Variants in FAM117B observed in about 807,000 individuals in gnomAD.
The protein encoded by FAM117B is protein FAM117B.
FAM117B carries 22 observed loss-of-function variants against 52.8 expected under a neutral mutation model. The ratio of observed to expected loss-of-function variants is 0.42; its 90% CI spans 0.30 to 0.59. The LOEUF is 0.59. Ranked by LOEUF, FAM117B falls within the 20% of genes least tolerant of loss-of-function variation. FAM117B has a pLI of 0.22. For missense variants in FAM117B, 678 were observed against 802.6 expected (o/e 0.84, Z 1.88); for synonymous variants, 309 against 324.1 (o/e 0.95, Z 0.50).
chr2:202,694,301 C>T (rs990476140), intron 1 of FAM117B, among the ~76,000 whole-genome samples: 3 of 151,162 alleles, frequency 2.0e-5, no homozygotes, highest in Admixed American at 6.6e-5. Flanking sequence ...AGCGATTCTC[C>T]TGCCTCAGCC....
chr2:202,745,784 T>C (rs1691622776), intron 4 of FAM117B, among the ~76,000 whole-genome samples: 1 of 152,080 alleles, frequency 6.6e-6, no homozygotes, highest in South Asian at 2.1e-4. Flanking sequence ...AAACCAAAAG[T>C]ATGCAGGATT....
chr2:202,715,405 C>CG (rs1285241285), intron 2 of FAM117B, among the ~76,000 whole-genome samples: 2 of 140,380 alleles, frequency 1.4e-5, no homozygotes, highest in African/African-American at 5.2e-5. Flanking sequence ...ACTTCTCAGA[C>CG]GGGGCGGCCG....
intron 1 of FAM117B, among the ~76,000 whole-genome samples, chr2:202,644,051 C>CTG (rs1559092737): frequency 3.3e-5 from 3 of 89,764 alleles, no homozygotes; most frequent in Admixed American, 1.2e-4. Flanking sequence ...GCTTTAGGAG[C>CTG]TGTTTTTTTT....
chr2:202,743,630 C>T (rs11691958), intron 4 of FAM117B, among the ~76,000 whole-genome samples: 26,318 of 137,688 alleles, frequency 0.19, 2,954 homozygotes, highest in South Asian at 0.39. Context: ...AGAACACAAA[C>T]AATACAAAGA....
At chr2:202,701,794 T>C (rs1378890265) in intron 2 of FAM117B, among the ~76,000 whole-genome samples, 1 of 152,230 alleles carries the variant, frequency 6.6e-6, no homozygotes, top group African/African-American at 2.4e-5. Context: ...TGCAATCTCA[T>C]GATAAAACTT....
chr2:202,698,616 T>A (rs1467192542), intron 2 of FAM117B, among the ~76,000 whole-genome samples: 1 of 151,988 alleles, frequency 6.6e-6, no homozygotes, highest in Non-Finnish European at 1.5e-5. Flanking sequence ...AGAGATGGAG[T>A]TTCACCATAT....
intron 2 of FAM117B, among the ~76,000 whole-genome samples, chr2:202,713,177 G>T (rs957951725): frequency 6.6e-6 from 1 of 152,032 alleles, no homozygotes; most frequent in African/African-American, 2.4e-5. Context: ...CTTTGCCGGG[G>T]TGCTTTTTAT....
intron 4 of FAM117B, among the ~76,000 whole-genome samples, chr2:202,738,068 G>A (rs1264580774): frequency 6.6e-6 from 1 of 152,130 alleles, no homozygotes; most frequent in Non-Finnish European, 1.5e-5. Context: ...ATCCTGTTTG[G>A]TGAAGTGTCT....
chr2:202,762,453 C>G (rs2105801591), intron 7 of FAM117B, among the ~76,000 whole-genome samples: 1 of 152,238 alleles, frequency 6.6e-6, no homozygotes, highest in East Asian at 1.9e-4. Context: ...TTTCCTGATC[C>G]CAGCTAATGA....
At chr2:202,749,434 T>A (rs1350672630) in intron 4 of FAM117B, among the ~76,000 whole-genome samples, 1 of 115,798 alleles carries the variant, frequency 8.6e-6, no homozygotes, top group African/African-American at 3.6e-5. Context: ...ACAGGTCTGG[T>A]ATAATGTTAA....
Position 202,768,098 on chromosome 2 carries a change from C to G in FAM117B, c.*2334C>G, listed in dbSNP as rs1692012898. 6.6e-6 allele frequency: 1 copy of G among 152,160 alleles called. No individual in the cohort carries two copies. The highest frequency in any genetic ancestry group is 1.5e-5 in the Non-Finnish European group (1 of 68,026). 9.4% of individuals were successfully genotyped at this position (152,160 alleles called of 1,614,324 possible). A position where few individuals can be genotyped will look rare whatever the true frequency, so the allele number is the denominator to read the frequency against. On this transcript the variant is annotated 3_prime_UTR_variant, in exon 8 of 8. Coordinates refer to ENST00000392238, the MANE Select transcript of FAM117B (RefSeq NM_173511.4). Reference sequence around the variant, plus strand: ...AAAAACAAGTTATTTAAAAAGAACTCTTGGTTTTTGGATGACTTGAATTCT... The same window carrying G: ...AAAAACAAGTTATTTAAAAAGAACTGTTGGTTTTTGGATGACTTGAATTCT...
intron 1 of FAM117B, among the ~76,000 whole-genome samples, chr2:202,661,263 C>A (rs758102214): frequency 3.3e-5 from 5 of 152,178 alleles, no homozygotes; most frequent in Non-Finnish European, 5.9e-5. Context: ...GTTAGTTCAT[C>A]TTAGCCAGAA....
intron 2 of FAM117B, among the ~76,000 whole-genome samples, chr2:202,710,261 A>G (rs1285098657): frequency 6.6e-6 from 1 of 152,166 alleles, no homozygotes; most frequent in Non-Finnish European, 1.5e-5. Context: ...CATGAACATG[A>G]AATGCCTGTT....
Position 202,757,401 on chromosome 2 carries a change from C to T in FAM117B, c.1293C>T (p.Cys431=), listed in dbSNP as rs55659941. Residue 431 remains cysteine (C), a synonymous_variant, in exon 6 of 8, where the codon TGC becomes TGT. Coordinates refer to ENST00000392238, the MANE Select transcript of FAM117B (RefSeq NM_173511.4). ...ISNEGSEESP[C]SADDLLVDPR... ...ATGAAGGTAGCGAGGAGAGTCCTTGCTCAGCGGATGACCTGCTTGTTGATC... is the reference window on the plus strand; with the variant it reads ...ATGAAGGTAGCGAGGAGAGTCCTTGTTCAGCGGATGACCTGCTTGTTGATC... 6.2e-7 allele frequency: 1 copy of T among 1,614,106 alleles called. No individual in the cohort carries two copies. The highest frequency in any genetic ancestry group is 1.7e-5 in the Admixed American group (1 of 60,002).
At chr2:202,703,396 A>G (rs139180099) in intron 2 of FAM117B, among the ~76,000 whole-genome samples, 167 of 152,286 alleles carry the variant, frequency 1.1e-3, no homozygotes, top group African/African-American at 3.8e-3. Context: ...TGTGTTGCCT[A>G]GGCTGGAGTA....
chr2:202,686,406 C>G (rs1283755506), intron 1 of FAM117B, among the ~76,000 whole-genome samples: 1 of 152,218 alleles, frequency 6.6e-6, no homozygotes, highest in Admixed American at 6.5e-5. Flanking sequence ...AGCATTTCCA[C>G]TGTTTACCCA....
chr2:202,720,026 A>G (rs555333055), intron 2 of FAM117B, among the ~76,000 whole-genome samples: 9 of 152,316 alleles, frequency 5.9e-5, no homozygotes, highest in East Asian at 3.9e-4. Context: ...AGTTTGATCC[A>G]TCAGAACCCT....
At chr2:202,712,998 C>G (rs933029684) in intron 2 of FAM117B, among the ~76,000 whole-genome samples, 3 of 152,046 alleles carry the variant, frequency 2.0e-5, no homozygotes, top group African/African-American at 7.2e-5. Flanking sequence ...CTATAGTTTT[C>G]TTTCTTTGAA....
chr2:202,735,949 A>G (rs923205762), intron 4 of FAM117B, among the ~76,000 whole-genome samples: 4 of 152,142 alleles, frequency 2.6e-5, no homozygotes, highest in African/African-American at 9.7e-5. Flanking sequence ...TAAGAATTTT[A>G]AAAGTGTGTG....
Sources: allele counts gnomAD v4.1 joint callset (sites outside exome capture counted in the v4.1 genomes callset), GRCh38; gene constraint gnomAD v4.1.1; transcripts MANE v1.5; gene names NCBI Gene and HGNC (gene_info 2026-07-23, HGNC 2026-07-21).